Variants in SUCLG2 observed in about 807,000 individuals in gnomAD.
SUCLG2 encodes the protein succinate-CoA ligase GDP-forming subunit beta, also known as succinate--CoA ligase [GDP-forming] subunit beta, mitochondrial.
SUCLG2 carries 42 observed loss-of-function variants against 47.9 expected under a neutral mutation model. That is an observed-to-expected ratio of 0.88 (90% CI 0.69 to 1.14). The LOEUF is 1.14. Ranked by LOEUF, SUCLG2 falls within the 50% of genes most tolerant of loss-of-function variation. The pLI is 0.00. For missense variants in SUCLG2, 571 were observed against 525.9 expected (o/e 1.09, Z -0.84); for synonymous variants, 195 against 197.3 (o/e 0.99, Z 0.10).
chr3:67,507,530 G>GAA (rs11425840), intron 7 of SUCLG2, among the ~76,000 whole-genome samples: 3 of 123,378 alleles, frequency 2.4e-5, no homozygotes, highest in Admixed American at 8.3e-5. Flanking sequence ...TGAAAAGATT[G>GAA]AAAAAAAAAA....
intron 2 of SUCLG2, among the ~76,000 whole-genome samples, chr3:67,578,266 ATATATATAAAATTT>A (rs1325486013): frequency 0.027 from 3,991 of 146,754 alleles, 159 homozygotes; most frequent in African/African-American, 0.09. Context: ...AAAAAATTTT[ATATATATAAAATTT>A]TATATATATA....
chr3:67,634,282 A>G (rs1171166342), intron 1 of SUCLG2, among the ~76,000 whole-genome samples: 11 of 152,168 alleles, frequency 7.2e-5, no homozygotes, highest in Non-Finnish European at 1.2e-4. Flanking sequence ...GTTACTATCA[A>G]GAGTCTGTAG....
intron 2 of SUCLG2, among the ~76,000 whole-genome samples, chr3:67,593,035 C>T (rs1708208599): frequency 6.6e-6 from 1 of 152,184 alleles, no homozygotes; most frequent in Non-Finnish European, 1.5e-5. Flanking sequence ...TAGTGACAAC[C>T]ATTCTTCTGA....
chr3:67,505,662 T>C lies in SUCLG2; in HGVS notation c.757+3145A>G, dbSNP rs1009859876. Among the ~76,000 whole-genome samples, 3 of 152,214 alleles carry C rather than the reference T, an allele frequency of 2.0e-5. No individual in the cohort carries two copies. The East Asian group carries it at 5.8e-4, about 29-fold the overall frequency. On this transcript the variant is annotated intron_variant, in intron 7 of 10. Transcript: ENST00000307227. ...CAATGGAAGGTCAAAAAAAGTTTCC[T>C]ACAAAGAGGTGGGTACAGGCCAGGC...
At chr3:67,360,542 T>A (rs1249882147) in exon 11 of SUCLG2, 7 of 1,350,414 alleles carry the variant, frequency 5.2e-6, no homozygotes, top group Non-Finnish European at 5.9e-6. Context: ...AGCATGCAGC[T>A]GAACCCAAAT....
chr3:67,431,328 C>G lies in SUCLG2; in HGVS notation c.1063-30477G>C, dbSNP rs144927945. ...GCAAATCAATAAATGTAATCCATCA[C>G]ATAAACAAAACTGATGACAAAAACC... is the stretch of plus-strand genomic sequence containing the variant. On this transcript the variant is annotated intron_variant, in intron 9 of 10. Coordinates refer to ENST00000307227, the MANE Select transcript of SUCLG2 (RefSeq NM_003848.4). Among the ~76,000 whole-genome samples, 295 of 152,212 alleles carry G rather than the reference C, an allele frequency of 1.9e-3. 1 individual carries two copies. The highest frequency in any genetic ancestry group is 6.7e-3 in the African/African-American group (278 of 41,546).
At chr3:67,654,306 C>T (rs1701343562) in intron 1 of SUCLG2, among the ~76,000 whole-genome samples, 197 bp downstream of exon 1, 1 of 152,204 alleles carries the variant, frequency 6.6e-6, no homozygotes, top group Admixed American at 6.5e-5. Flanking sequence ...CCCGGGGCTG[C>T]CGCCGCGCCG....
At chr3:67,494,829 A>T (rs865885533) in intron 9 of SUCLG2, among the ~76,000 whole-genome samples, 1 of 152,196 alleles carries the variant, frequency 6.6e-6, no homozygotes, top group South Asian at 2.1e-4. Context: ...AAGCATACTG[A>T]TATTTAACTT....
At chr3:67,564,572 A>G (rs1222221036) in intron 2 of SUCLG2, among the ~76,000 whole-genome samples, 1 of 152,278 alleles carries the variant, frequency 6.6e-6, no homozygotes, top group Non-Finnish European at 1.5e-5. Flanking sequence ...TCTGTGTTTC[A>G]GATTCTATAC....
At chr3:67,527,282 AG>A (rs1266734180) in intron 4 of SUCLG2, among the ~76,000 whole-genome samples, 1 of 152,254 alleles carries the variant, frequency 6.6e-6, no homozygotes, top group East Asian at 1.9e-4. Flanking sequence ...CCCAAAATGC[AG>A]GACCCTAATT....
At chr3:67,586,835 G>A (rs1708032953) in intron 2 of SUCLG2, among the ~76,000 whole-genome samples, 1 of 152,098 alleles carries the variant, frequency 6.6e-6, no homozygotes, top group Admixed American at 6.5e-5. Flanking sequence ...ACATGAAAGG[G>A]ATCTCAACCA....
At chr3:67,644,808 T>C (rs1200133482) in intron 1 of SUCLG2, among the ~76,000 whole-genome samples, 7 of 152,130 alleles carry the variant, frequency 4.6e-5, no homozygotes, top group Non-Finnish European at 8.8e-5. Context: ...GATCCAAATT[T>C]TTAATCAAAA....
chr3:67,447,428 T>G (rs552763422), intron 9 of SUCLG2, among the ~76,000 whole-genome samples: 1 of 152,146 alleles, frequency 6.6e-6, no homozygotes, highest in Non-Finnish European at 1.5e-5. Flanking sequence ...ATGGCAGGCA[T>G]TGGGATAGAT....
At chr3:67,577,174 T>C (rs1707763404) in intron 2 of SUCLG2, among the ~76,000 whole-genome samples, 1 of 152,078 alleles carries the variant, frequency 6.6e-6, no homozygotes. Context: ...TAGACAAGCA[T>C]GGTGGCACAT....
At chr3:67,444,323 T>C (rs368860930) in intron 9 of SUCLG2, among the ~76,000 whole-genome samples, 11 of 63,856 alleles carry the variant, frequency 1.7e-4, no homozygotes, top group Admixed American at 3.2e-4. Context: ...CCGCCCCGTC[T>C]GGGAGGGAGG....
chr3:67,641,790 G>A (rs755603278), intron 1 of SUCLG2, among the ~76,000 whole-genome samples: 10 of 152,144 alleles, frequency 6.6e-5, no homozygotes, highest in Admixed American at 3.3e-4. Context: ...AGTTTAGGAG[G>A]CTTAAAGTCT....
At chr3:67,393,285 G>T (rs1186769834) in intron 10 of SUCLG2, among the ~76,000 whole-genome samples, 1 of 152,234 alleles carries the variant, frequency 6.6e-6, no homozygotes, top group African/African-American at 2.4e-5. Context: ...AGGGGTGACA[G>T]ATGGCACCTG....
chr3:67,423,541 G>A (rs1703223062), intron 9 of SUCLG2, among the ~76,000 whole-genome samples: 1 of 152,038 alleles, frequency 6.6e-6, no homozygotes, highest in Admixed American at 6.5e-5. Flanking sequence ...ACTTCATTTA[G>A]GCTCTTTCTG....
intron 2 of SUCLG2, among the ~76,000 whole-genome samples, chr3:67,576,531 T>C (rs1392753624): frequency 6.6e-6 from 1 of 152,216 alleles, no homozygotes; most frequent in Non-Finnish European, 1.5e-5. Flanking sequence ...TGAATTGAGA[T>C]AAATATATTT....
Sources: allele counts gnomAD v4.1 joint callset (sites outside exome capture counted in the v4.1 genomes callset), GRCh38; gene constraint gnomAD v4.1.1; transcripts MANE v1.5; gene names NCBI Gene and HGNC (gene_info 2026-07-23, HGNC 2026-07-21).